Variants in DGKB observed in about 807,000 individuals in gnomAD.
DGKB encodes 90 kDa diacylglycerol kinase.
A neutral mutation model predicts 114.3 loss-of-function variants in DGKB; 67 were observed. The observed-to-expected ratio is 0.59, with a 90% confidence interval of 0.48 to 0.72. The LOEUF (loss-of-function observed/expected upper bound fraction) is 0.72. Ranked by LOEUF, DGKB falls within the 30% of genes least tolerant of loss-of-function variation. DGKB has a pLI of 0.00. For missense variants in DGKB, 907 were observed against 975.2 expected (o/e 0.93, Z 0.93); for synonymous variants, 398 against 323.1 (o/e 1.23, Z -2.49).
At chr7:14,462,050 CA>C (rs1554448468) in intron 21 of DGKB, among the ~76,000 whole-genome samples, 1 of 152,124 alleles carries the variant, frequency 6.6e-6, no homozygotes, top group Non-Finnish European at 1.5e-5. Context: ...TGATAAAATT[CA>C]ACAGCCCTTC....
Position 14,574,286 on chromosome 7 carries a change from T to C in DGKB, c.1696A>G (p.Ile566Val). ...IMLDRWKFEV[I>V]PNDKDEKGDP... ...CCTTTCTCATCTTTGTCATTAGGTA[T>C]GACTTCAAACTTCCACCTGTCCAAC... Residue 566 changes from isoleucine to valine, a missense_variant, in exon 20 of 26, where the codon ATA becomes GTA. Coordinates refer to ENST00000402815, the MANE Select transcript of DGKB (RefSeq NM_001350709.2). The C allele has an allele frequency of 6.2e-7, 1 of 1,613,342 alleles. No individual in the cohort carries two copies. Among genetic ancestry groups the C allele is most frequent in the Non-Finnish European group, 8.5e-7 (1 of 1,179,432 alleles).
At chr7:14,578,723 T>C (rs141380853) in intron 19 of DGKB, among the ~76,000 whole-genome samples, 29 of 152,352 alleles carry the variant, frequency 1.9e-4, no homozygotes, top group African/African-American at 7.0e-4. Context: ...AGAACTATAG[T>C]TCTGCATGTT....
chr7:14,841,352 G>A lies in DGKB; in HGVS notation c.-89C>T. 1 of 1,115,506 alleles carries A rather than the reference G, an allele frequency of 9.0e-7. No individual in the cohort carries two copies. Among genetic ancestry groups the A allele is most frequent in the Non-Finnish European group, 1.3e-6 (1 of 773,516 alleles). The allele number at this position is 1,115,506 out of a possible 1,614,324, so 69.1% of individuals were successfully genotyped here. On this transcript the variant is annotated 5_prime_UTR_variant, in exon 2 of 26. Coordinates refer to ENST00000402815, the MANE Select transcript of DGKB (RefSeq NM_001350709.2). ...GGTCTATGCTTCAAAGATTCCACAT[G>A]GCATGTTTCATGATAAAATACCTCA... is the stretch of plus-strand genomic sequence containing the variant.
intron 20 of DGKB, among the ~76,000 whole-genome samples, chr7:14,520,934 C>A (rs184119350): frequency 6.6e-6 from 1 of 152,132 alleles, no homozygotes; most frequent in East Asian, 1.9e-4. Context: ...TTATGTTCAT[C>A]CAATTTCATC....
At chr7:14,585,337 T>C (rs1246065665) in intron 17 of DGKB, among the ~76,000 whole-genome samples, 1 of 152,178 alleles carries the variant, frequency 6.6e-6, no homozygotes, top group Non-Finnish European at 1.5e-5. Context: ...TTCTCTGTTT[T>C]CTTTCCCTAT....
intron 21 of DGKB, among the ~76,000 whole-genome samples, chr7:14,470,490 T>G (rs1353263143): frequency 6.6e-6 from 1 of 151,888 alleles, no homozygotes; most frequent in Non-Finnish European, 1.5e-5. Context: ...TTCTTTACTT[T>G]CACTGTTTTT....
intron 1 of DGKB, among the ~76,000 whole-genome samples, chr7:14,927,885 T>A (rs751451535): frequency 6.6e-6 from 1 of 151,894 alleles, no homozygotes; most frequent in Admixed American, 6.6e-5. Context: ...GATTTTGAGA[T>A]CTCAGTTAAG....
intron 22 of DGKB, among the ~76,000 whole-genome samples, chr7:14,341,713 G>A (rs1811632112): frequency 6.6e-6 from 1 of 151,812 alleles, no homozygotes; most frequent in Non-Finnish European, 1.5e-5. Flanking sequence ...CTGCCAATGT[G>A]TTTTAACCTT....
At chr7:14,929,022 T>TAC (rs3036022) in intron 1 of DGKB, among the ~76,000 whole-genome samples, 21,365 of 146,702 alleles carry the variant, frequency 0.15, 1,498 homozygotes, top group South Asian at 0.19. Context: ...GCATTGTGTA[T>TAC]ACACACACAC....
intron 20 of DGKB, among the ~76,000 whole-genome samples, chr7:14,549,308 G>A (rs536572880): frequency 1.7e-4 from 26 of 152,202 alleles, no homozygotes; most frequent in African/African-American, 5.3e-4. Flanking sequence ...AGGGGTACAA[G>A]TAAGTCTGAG....
chr7:14,487,670 T>C (rs903353700), intron 20 of DGKB, among the ~76,000 whole-genome samples: 1 of 145,548 alleles, frequency 6.9e-6, no homozygotes, highest in Non-Finnish European at 1.5e-5. Flanking sequence ...TGCAGTGCAA[T>C]AGCTCACTGC....
intron 20 of DGKB, among the ~76,000 whole-genome samples, chr7:14,556,103 C>A (rs1372666369): frequency 1.3e-5 from 2 of 152,118 alleles, no homozygotes; most frequent in Non-Finnish European, 2.9e-5. Context: ...TGGATTGGGA[C>A]TCCTTTCCGG....
intron 21 of DGKB, among the ~76,000 whole-genome samples, chr7:14,362,238 T>C (rs1815890565): frequency 6.6e-6 from 1 of 152,066 alleles, no homozygotes; most frequent in South Asian, 2.1e-4. Context: ...TTAGTGTCCT[T>C]ACATTATGGC....
At chr7:14,687,346 G>A (rs549369091) in intron 9 of DGKB, among the ~76,000 whole-genome samples, 1 of 152,244 alleles carries the variant, frequency 6.6e-6, no homozygotes, top group Admixed American at 6.5e-5. Flanking sequence ...GGCTAACAAA[G>A]TCTCAACAAA....
chr7:14,649,219 G>C (rs948831296), intron 13 of DGKB, among the ~76,000 whole-genome samples: 1 of 149,522 alleles, frequency 6.7e-6, no homozygotes, highest in African/African-American at 2.5e-5. Context: ...TGAAATGAAG[G>C]AAAAAATGTT....
At chr7:14,459,746 A>C (rs1017095408) in intron 21 of DGKB, among the ~76,000 whole-genome samples, 1 of 152,196 alleles carries the variant, frequency 6.6e-6, no homozygotes, top group African/African-American at 2.4e-5. Flanking sequence ...AATACGGAGA[A>C]CACCACAAAG....
At chr7:14,559,745 C>G (rs12699647) in intron 20 of DGKB, among the ~76,000 whole-genome samples, 80,442 of 152,026 alleles carry the variant, frequency 0.53, 21,337 homozygotes, top group East Asian at 0.61. Flanking sequence ...CCTTGGATCT[C>G]AAACATTTGT....
chr7:14,677,931 C>G (rs900786959), intron 12 of DGKB, among the ~76,000 whole-genome samples: 2 of 151,996 alleles, frequency 1.3e-5, no homozygotes, highest in African/African-American at 4.8e-5. Context: ...AAGAGCCTAA[C>G]TTTATATCTA....
chr7:14,536,543 C>G (rs747025429), intron 20 of DGKB, among the ~76,000 whole-genome samples: 1 of 152,054 alleles, frequency 6.6e-6, no homozygotes, highest in African/African-American at 2.4e-5. Context: ...ATGACCTTAG[C>G]AAACAAAAGA....
Sources: allele counts gnomAD v4.1 joint callset (sites outside exome capture counted in the v4.1 genomes callset), GRCh38; gene constraint gnomAD v4.1.1; transcripts MANE v1.5; gene names NCBI Gene and HGNC (gene_info 2026-07-23, HGNC 2026-07-21).